The following OSBPL9 variants were observed in gnomAD, a reference collection of about 807,000 sequenced individuals.
The protein encoded by OSBPL9 is oxysterol binding protein like 9, also known as oxysterol-binding protein-related protein 9.
Under a neutral mutation model 106.6 loss-of-function variants are expected in OSBPL9, and 40 were observed. The ratio of observed to expected loss-of-function variants is 0.38; its 90% CI spans 0.29 to 0.49. The LOEUF (loss-of-function observed/expected upper bound fraction) is 0.49, where lower values mean the gene tolerates loss of function less well. Among genes scored for constraint, OSBPL9 ranks in the 20% least tolerant of loss-of-function variants. OSBPL9 has a pLI of 0.97. For missense variants in OSBPL9, 609 were observed against 887.2 expected, an observed-to-expected ratio of 0.69 and a Z score of 3.98; for synonymous variants, 269 against 295.4, an observed-to-expected ratio of 0.91 and a Z score of 0.92.
chr1:51,533,107 T>C, the OSBPL9 span, among the ~76,000 whole-genome samples: 2 of 152,230 alleles, frequency 1.3e-5, no homozygotes, highest in East Asian at 3.9e-4. Context: ...AAAAAAATCA[T>C]AGTATTAAGA....
intron 11 of OSBPL9, among the ~76,000 whole-genome samples, chr1:51,764,822 C>G (rs1439600408): frequency 6.6e-6 from 1 of 152,162 alleles, no homozygotes; most frequent in Non-Finnish European, 1.5e-5. Context: ...TGGCCTCAAG[C>G]AGTCCTCCCA....
At chr1:51,640,503 A>G (rs1557624628) in intron 1 of OSBPL9, among the ~76,000 whole-genome samples, 2 of 152,136 alleles carry the variant, frequency 1.3e-5, no homozygotes, top group Admixed American at 6.5e-5. Context: ...TTAATCTCTA[A>G]TTGTTTTATT....
At chr1:51,551,360 C>T in the OSBPL9 span, among the ~76,000 whole-genome samples, 1 of 152,056 alleles carries the variant, frequency 6.6e-6, no homozygotes, top group Admixed American at 6.6e-5. Context: ...TCTTCAATTC[C>T]CCAAATGCCA....
At chr1:51,738,026 T>G (rs1666091725) in intron 4 of OSBPL9, among the ~76,000 whole-genome samples, 1 of 152,038 alleles carries the variant, frequency 6.6e-6, no homozygotes, top group South Asian at 2.1e-4. Flanking sequence ...ATTTACAGAC[T>G]TAAGTTTTTT....
intron 22 of OSBPL9, among the ~76,000 whole-genome samples, chr1:51,786,920 C>G (rs745541414): frequency 6.6e-6 from 1 of 152,166 alleles, no homozygotes; most frequent in Non-Finnish European, 1.5e-5. Context: ...TCCATTCATA[C>G]TATTTTCTCC....
At chr1:51,753,552 T>C (rs946125708) in intron 8 of OSBPL9, among the ~76,000 whole-genome samples, 1 of 152,224 alleles carries the variant, frequency 6.6e-6, no homozygotes, top group African/African-American at 2.4e-5. Flanking sequence ...CAGACTCTTA[T>C]TCACTGGCAG....
At chr1:51,701,807 C>T (rs1657325011) in intron 3 of OSBPL9, among the ~76,000 whole-genome samples, 1 of 152,146 alleles carries the variant, frequency 6.6e-6, no homozygotes, top group African/African-American at 2.4e-5. Context: ...CTCTGCCCAC[C>T]CCACAACAGG....
At chr1:51,693,418 A>C (rs1655400184) in intron 3 of OSBPL9, among the ~76,000 whole-genome samples, 1 of 152,006 alleles carries the variant, frequency 6.6e-6, no homozygotes, top group Admixed American at 6.6e-5. Context: ...GAAAAGAAGA[A>C]AATATAGATC....
intron 6 of OSBPL9, 88 bp downstream of exon 6, chr1:51,746,845 C>G: frequency 9.6e-7 from 1 of 1,038,148 alleles, no homozygotes. Flanking sequence ...TTTTTACTTA[C>G]TATAATAATA....
At chr1:51,585,530 C>A (rs1382462281) in intron 1 of OSBPL9, among the ~76,000 whole-genome samples, 1 of 152,168 alleles carries the variant, frequency 6.6e-6, no homozygotes. Context: ...GTAATCTCAG[C>A]ATTTTGGGAG....
intron 3 of OSBPL9, 114 bp from the exon 4 acceptor site, chr1:51,713,889 G>A (rs1269540321): frequency 6.5e-6 from 5 of 772,088 alleles, no homozygotes; most frequent in Non-Finnish European, 1.0e-5. Flanking sequence ...TAAGGAAATG[G>A]TACAACTAAA....
chr1:51,528,393 G>A, the OSBPL9 span, among the ~76,000 whole-genome samples: 1 of 151,780 alleles, frequency 6.6e-6, no homozygotes, highest in African/African-American at 2.4e-5. Context: ...ATCTGAAAAT[G>A]ATAGCCAGGT....
chr1:51,566,788 G>A, the OSBPL9 span, among the ~76,000 whole-genome samples: 1 of 152,258 alleles, frequency 6.6e-6, no homozygotes, highest in South Asian at 2.1e-4. Flanking sequence ...ATCATTCTCT[G>A]ATCTTACCTG....
chr1:51,630,984 A>G (rs1482203961), intron 1 of OSBPL9, among the ~76,000 whole-genome samples: 1 of 152,162 alleles, frequency 6.6e-6, no homozygotes, highest in East Asian at 1.9e-4. Context: ...CTTTCTGCCC[A>G]CTGCGCAAAG....
At chr1:51,656,693 C>T (rs1646838916) in intron 2 of OSBPL9, among the ~76,000 whole-genome samples, 1 of 148,864 alleles carries the variant, frequency 6.7e-6, no homozygotes, top group South Asian at 2.3e-4. Flanking sequence ...CAGGATCTTG[C>T]TCTTTACCCA....
At chr1:51,736,614 C>T (rs2148965457) in intron 4 of OSBPL9, among the ~76,000 whole-genome samples, 1 of 152,280 alleles carries the variant, frequency 6.6e-6, no homozygotes, top group Middle Eastern at 3.4e-3. Context: ...CCTGAACTAA[C>T]TACTAAAGTA....
rs1663891413 is a variant in OSBPL9, at chr1:51,729,780, T to C, written c.318+15701T>C. 1.9e-5 allele frequency: 23 copies of C among 1,212,960 alleles called. No homozygotes were observed. Among genetic ancestry groups the C allele is most frequent in the Non-Finnish European group, 2.2e-5 (21 of 971,104 alleles). 75.1% of individuals were successfully genotyped at this position (1,212,960 alleles called of 1,614,324 possible). On this transcript the variant is annotated intron_variant, in intron 4 of 23. Coordinates refer to ENST00000428468, the MANE Select transcript of OSBPL9 (RefSeq NM_024586.6). The surrounding 1 kb of genome is among the most constrained non-coding windows in gnomAD (Gnocchi z 5.1). Reference sequence around the variant, plus strand: ...AGGGCCAGCCAATCGGGGCGACCCCTCCGCCGGGGAGGGGACGGGAAAGGG... The same window carrying C: ...AGGGCCAGCCAATCGGGGCGACCCCCCCGCCGGGGAGGGGACGGGAAAGGG...
chr1:51,550,641 T>G, the OSBPL9 span, among the ~76,000 whole-genome samples: 1 of 152,294 alleles, frequency 6.6e-6, no homozygotes, highest in Admixed American at 6.5e-5. Flanking sequence ...GCCTCCCAAG[T>G]AGCTGGAATT....
chr1:51,525,364 G>C, the OSBPL9 span, among the ~76,000 whole-genome samples: 1 of 152,174 alleles, frequency 6.6e-6, no homozygotes, highest in African/African-American at 2.4e-5. Context: ...GATAATGTTG[G>C]TTTATGTCAT....
Sources: allele counts gnomAD v4.1 joint callset (sites outside exome capture counted in the v4.1 genomes callset), GRCh38; gene constraint gnomAD v4.1.1; non-coding constraint Gnocchi (gnomAD v3.1); transcripts MANE v1.5; gene names NCBI Gene and HGNC (gene_info 2026-07-23, HGNC 2026-07-21).